The following TGFA variants were observed in gnomAD, a reference collection of about 807,000 sequenced individuals.
TGFA encodes protransforming growth factor alpha.
Under a neutral mutation model 21.7 loss-of-function variants are expected in TGFA, and 12 were observed. That is an observed-to-expected ratio of 0.55 (90% CI 0.35 to 0.90). The LOEUF is 0.90. Ranked by LOEUF, TGFA falls within the 40% of genes least tolerant of loss-of-function variation. TGFA has a pLI of 0.01. For missense variants in TGFA, 178 were observed against 210.8 expected, an observed-to-expected ratio of 0.84 and a Z score of 0.96; for synonymous variants, 79 against 88.1, an observed-to-expected ratio of 0.90 and a Z score of 0.58.
chr2:70,486,486 CT>C (rs61448010), intron 2 of TGFA, among the ~76,000 whole-genome samples: 5 of 151,246 alleles, frequency 3.3e-5, no homozygotes, highest in African/African-American at 4.9e-5. Flanking sequence ...TGTTGTTTGT[CT>C]TTTTTTTTGA....
rs11466190 is a variant in TGFA, at chr2:70,553,468, T to G, written c.40+260A>C. 1,001 of 1,405,828 alleles carry G rather than the reference T, an allele frequency of 7.1e-4. 6 individuals are homozygous for G. In the African/African-American group the frequency reaches 0.012, roughly 17 times the overall value. The allele number at this position is 1,405,828 out of a possible 1,614,324, so 87.1% of individuals were successfully genotyped here. A position where few individuals can be genotyped will look rare whatever the true frequency, so the allele number is the denominator to read the frequency against. On this transcript the variant is annotated intron_variant, in intron 1 of 5. Coordinates refer to ENST00000295400, the MANE Select transcript of TGFA (RefSeq NM_003236.4). ...GATTAAAGTTCAAGCCCGTTCACAC[T>G]CCGCTTCCCCTTCCCAGGTGTTCTC...
chr2:70,493,951 T>A (rs1046184123), intron 2 of TGFA, among the ~76,000 whole-genome samples: 3 of 152,220 alleles, frequency 2.0e-5, no homozygotes, highest in Admixed American at 6.5e-5. Flanking sequence ...TACCACAAAT[T>A]TAGTGGCTTA....
At chr2:70,484,531 G>T (rs1004386332) in intron 2 of TGFA, among the ~76,000 whole-genome samples, 1 of 152,120 alleles carries the variant, frequency 6.6e-6, no homozygotes, top group Non-Finnish European at 1.5e-5. Flanking sequence ...ACAGCACTCA[G>T]GTTTTCTTTT....
chr2:70,529,161 G>A lies in TGFA; in HGVS notation c.41-14249C>T, dbSNP rs143945639. On this transcript the variant is annotated intron_variant, in intron 1 of 5. Transcript: ENST00000295400. ...TGGAGGGGAGTGTTTTTGGTTCACC[G>A]TATTCTCATTGCCCAGAACAGTGCC... is the stretch of plus-strand genomic sequence containing the variant. Among the ~76,000 whole-genome samples, 14 of 152,300 alleles carry A rather than the reference G, an allele frequency of 9.2e-5. No homozygotes were observed. The East Asian group carries it at 9.6e-4, about 10-fold the overall frequency.
intron 3 of TGFA, among the ~76,000 whole-genome samples, chr2:70,462,597 C>T (rs562355558): frequency 1.9e-4 from 29 of 152,260 alleles, no homozygotes; most frequent in Non-Finnish European, 3.5e-4. Flanking sequence ...AGTTCAGGCC[C>T]GGTGTTGCCA....
At chr2:70,505,809 A>G (rs56253961) in intron 2 of TGFA, among the ~76,000 whole-genome samples, 7 of 152,362 alleles carry the variant, frequency 4.6e-5, no homozygotes, top group African/African-American at 7.2e-5. Context: ...CATTTTAGTC[A>G]ATGCAACCTG....
intron 2 of TGFA, 64 bp downstream of exon 2, chr2:70,514,795 C>T: frequency 6.4e-7 from 1 of 1,561,656 alleles, no homozygotes; most frequent in Non-Finnish European, 8.8e-7. Flanking sequence ...CTTGAGGAGC[C>T]ACACAGCAGC....
chr2:70,521,222 C>T (rs1553502215), intron 1 of TGFA, among the ~76,000 whole-genome samples: 1 of 152,162 alleles, frequency 6.6e-6, no homozygotes, highest in African/African-American at 2.4e-5. Flanking sequence ...AACCCAGCCC[C>T]AAGTCCTGAG....
chr2:70,518,292 AG>A (rs1553501857), intron 1 of TGFA, among the ~76,000 whole-genome samples: 1 of 152,244 alleles, frequency 6.6e-6, no homozygotes, highest in African/African-American at 2.4e-5. Flanking sequence ...GACTTCAAAA[AG>A]AAAAAAGAAA....
intron 1 of TGFA, among the ~76,000 whole-genome samples, chr2:70,547,864 G>GAGAGATATATAGAGAGATATATAT (rs1673364552): frequency 6.8e-6 from 1 of 147,474 alleles, no homozygotes; most frequent in African/African-American, 2.5e-5. Flanking sequence ...TCTATATATA[G>GAGAGATATATAGAGAGATATATAT]AGAGATATAT....
chr2:70,551,115 G>A (rs1673492085), intron 1 of TGFA, among the ~76,000 whole-genome samples: 2 of 152,088 alleles, frequency 1.3e-5, no homozygotes, highest in Non-Finnish European at 2.9e-5. Context: ...TACATACCAG[G>A]CACCCTTCTG....
chr2:70,542,220 T>G (rs549038522), intron 1 of TGFA, among the ~76,000 whole-genome samples: 1 of 152,284 alleles, frequency 6.6e-6, no homozygotes, highest in South Asian at 2.1e-4. Flanking sequence ...GAGGAAAGTC[T>G]GTAATTGCAA....
At chr2:70,451,480 T>C (rs1480670606) in intron 5 of TGFA, among the ~76,000 whole-genome samples, 1 of 152,134 alleles carries the variant, frequency 6.6e-6, no homozygotes, top group Non-Finnish European at 1.5e-5. Flanking sequence ...TATATGAGGT[T>C]GTGATATGCA....
chr2:70,538,851 G>C (rs1673049185), intron 1 of TGFA, among the ~76,000 whole-genome samples: 1 of 152,204 alleles, frequency 6.6e-6, no homozygotes, highest in South Asian at 2.1e-4. Flanking sequence ...TCTGAAAGAA[G>C]TTCTGCTATG....
intron 4 of TGFA, 124 bp from the exon 5 acceptor site, chr2:70,453,451 A>T: frequency 1.3e-6 from 1 of 752,338 alleles, no homozygotes; most frequent in African/African-American, 1.7e-5. Context: ...CCAGCTCCCC[A>T]TGGGGGCTTC....
intron 1 of TGFA, among the ~76,000 whole-genome samples, chr2:70,529,113 G>A (rs945174762): frequency 2.0e-5 from 3 of 152,184 alleles, no homozygotes; most frequent in Admixed American, 6.5e-5. Context: ...CTGTCTCCTT[G>A]GGACCAAGTC....
intron 1 of TGFA, among the ~76,000 whole-genome samples, chr2:70,535,478 C>T (rs34366198): frequency 1.3e-5 from 2 of 152,118 alleles, no homozygotes; most frequent in African/African-American, 4.8e-5. Context: ...TTATTCATTC[C>T]ATTGCCTCTA....
intron 2 of TGFA, among the ~76,000 whole-genome samples, chr2:70,473,278 C>T (rs1019019189): frequency 2.0e-5 from 3 of 152,104 alleles, no homozygotes; most frequent in South Asian, 2.1e-4. Context: ...GGCTTACACT[C>T]GGGTGGCAGA....
rs1473012068 is a variant in TGFA at position 70,544,313 on chromosome 2, T to C, written c.40+9415A>G. ...GATTCAAATATTAATAATTTAATAT[T>C]TAATAAAAGATTAAAATAAGATATT... On this transcript the variant is annotated intron_variant, in intron 1 of 5. Transcript: ENST00000295400. Among the ~76,000 whole-genome samples the C allele has an allele frequency of 2.6e-5, 4 of 151,472 alleles. 1 individual carries two copies. The East Asian group carries it at 7.7e-4, about 29-fold the overall frequency.
Sources: allele counts gnomAD v4.1 joint callset (sites outside exome capture counted in the v4.1 genomes callset), GRCh38; gene constraint gnomAD v4.1.1; transcripts MANE v1.5; gene names NCBI Gene and HGNC (gene_info 2026-07-23, HGNC 2026-07-21).